Variants in TMCO4 observed in about 807,000 individuals in gnomAD.
The protein encoded by TMCO4 is transmembrane and coiled-coil domain-containing protein 4.
A neutral mutation model predicts 64.7 loss-of-function variants in TMCO4; 58 were observed. That is an observed-to-expected ratio of 0.90 (90% confidence interval 0.73 to 1.12). TMCO4 has a LOEUF of 1.12. TMCO4 is among the 50% of genes most tolerant of loss of function. TMCO4 has a pLI of 0.00. For synonymous variants in TMCO4, 325 were observed against 346.1 expected, an observed-to-expected ratio of 0.94 and a Z score of 0.68; for missense variants, 780 against 825.9, an observed-to-expected ratio of 0.94 and a Z score of 0.68.
At chr1:19,745,492 C>T (rs2041730032) in intron 10 of TMCO4, 40 bp downstream of exon 10, 1 of 1,613,480 alleles carries the variant, frequency 6.2e-7, no homozygotes, top group South Asian at 1.1e-5. Context: ...CAGGCCACCA[C>T]TGCCCACCCC....
chr1:19,771,212 T>C (rs906940766), intron 5 of TMCO4, 96 bp downstream of exon 5: 8 of 1,340,552 alleles, frequency 6.0e-6, no homozygotes, highest in Non-Finnish European at 8.2e-6. Flanking sequence ...ATCTTCCAAC[T>C]GCTCCACCCC....
At chr1:19,733,565 A>G (rs528518270) in intron 13 of TMCO4, among the ~76,000 whole-genome samples, 117 of 152,344 alleles carry the variant, frequency 7.7e-4, no homozygotes, top group Middle Eastern at 3.4e-3. Context: ...GCTGGGCTGC[A>G]CACCAGAATT....
At chr1:19,779,106 G>T (rs907203658) in intron 4 of TMCO4, among the ~76,000 whole-genome samples, 6 of 152,192 alleles carry the variant, frequency 3.9e-5, no homozygotes, top group Admixed American at 1.3e-4. Context: ...CATGAAGGAA[G>T]TTTACTCATG....
intron 13 of TMCO4, among the ~76,000 whole-genome samples, chr1:19,703,651 G>A (rs1296136409): frequency 4.0e-5 from 6 of 150,626 alleles, no homozygotes; most frequent in African/African-American, 1.5e-4. Context: ...AGGTTCAAGC[G>A]ATCCTCCTGC....
At chr1:19,776,308 A>G (rs2043201007) in intron 4 of TMCO4, among the ~76,000 whole-genome samples, 1 of 152,068 alleles carries the variant, frequency 6.6e-6, no homozygotes, top group Admixed American at 6.6e-5. Flanking sequence ...AGAAGGAAAC[A>G]CTCCACGGCA....
intron 8 of TMCO4, among the ~76,000 whole-genome samples, chr1:19,746,893 C>T (rs2041814275): frequency 1.4e-5 from 2 of 140,052 alleles, no homozygotes; most frequent in Admixed American, 1.5e-4. Context: ...CACTGCACTC[C>T]AGCCTGGGCG....
intron 2 of TMCO4, among the ~76,000 whole-genome samples, chr1:19,795,989 C>G (rs890052945): frequency 2.5e-4 from 38 of 152,248 alleles, no homozygotes; most frequent in African/African-American, 9.2e-4. Flanking sequence ...CCAGCCCACG[C>G]TGGGATACCA....
intron 6 of TMCO4, among the ~76,000 whole-genome samples, chr1:19,757,154 G>T (rs76786722): frequency 8.0e-6 from 1 of 125,066 alleles, no homozygotes; most frequent in Admixed American, 8.0e-5. Flanking sequence ...AGCCAGGCGT[G>T]GTGGCGGGGG....
chr1:19,778,774 T>G (rs998063604), intron 4 of TMCO4, among the ~76,000 whole-genome samples: 2 of 152,150 alleles, frequency 1.3e-5, no homozygotes, highest in African/African-American at 4.8e-5. Flanking sequence ...TTAACCTACC[T>G]CTTCTTTTCA....
chr1:19,765,120 C>A (rs950760052), intron 6 of TMCO4, among the ~76,000 whole-genome samples: 1 of 152,128 alleles, frequency 6.6e-6, no homozygotes, highest in African/African-American at 2.4e-5. Flanking sequence ...AAAATCATGA[C>A]GCAGTTTAAG....
intron 2 of TMCO4, among the ~76,000 whole-genome samples, chr1:19,797,830 C>T (rs2044385015): frequency 7.2e-6 from 1 of 138,348 alleles, no homozygotes; most frequent in South Asian, 2.5e-4. Context: ...CATCACTGCA[C>T]TCCAGCCTGG....
chr1:19,724,159 T>C (rs146105168), intron 13 of TMCO4, among the ~76,000 whole-genome samples: 6 of 152,314 alleles, frequency 3.9e-5, no homozygotes, highest in African/African-American at 1.4e-4. Context: ...GAGCTGCCAG[T>C]TGGGCTAAAG....
At chr1:19,778,360 G>A (rs1004217428) in intron 4 of TMCO4, among the ~76,000 whole-genome samples, 3 of 152,034 alleles carry the variant, frequency 2.0e-5, no homozygotes, top group Non-Finnish European at 2.9e-5. Flanking sequence ...TGCAACCTCT[G>A]CCTCCCGGGT....
chr1:19,716,180 A>ATTATTATTG, intron 13 of TMCO4, among the ~76,000 whole-genome samples: 1 of 147,880 alleles, frequency 6.8e-6, no homozygotes, highest in African/African-American at 2.5e-5. Flanking sequence ...TATTATTATT[A>ATTATTATTG]TTATTAATTT....
chr1:19,733,980 A>C (rs1027888301), intron 13 of TMCO4, among the ~76,000 whole-genome samples: 1 of 152,224 alleles, frequency 6.6e-6, no homozygotes, highest in Non-Finnish European at 1.5e-5. Context: ...GAAATAATAC[A>C]TATGATGAGC....
At chr1:19,727,675 G>A (rs2095414297) in intron 13 of TMCO4, among the ~76,000 whole-genome samples, 2 of 152,150 alleles carry the variant, frequency 1.3e-5, no homozygotes, top group African/African-American at 4.8e-5. Context: ...GCTAAAAATA[G>A]AACTACCATT....
chr1:19,796,070 AC>A (rs766583718), intron 2 of TMCO4, among the ~76,000 whole-genome samples: 2 of 152,142 alleles, frequency 1.3e-5, no homozygotes, highest in African/African-American at 2.4e-5. Flanking sequence ...TTCCAAAAGC[AC>A]AGTTAAATAA....
chr1:19,797,120 TC>T (rs1250447909), intron 2 of TMCO4, among the ~76,000 whole-genome samples: 1 of 152,076 alleles, frequency 6.6e-6, no homozygotes, highest in Non-Finnish European at 1.5e-5. Context: ...TAAAGTGAGG[TC>T]CCCAATATGC....
chr1:19,734,406 G>A lies in TMCO4; in HGVS notation c.1264+2966C>T, dbSNP rs762432096. Among the ~76,000 whole-genome samples, 170 of 152,252 alleles carry A rather than the reference G, an allele frequency of 1.1e-3. 2 individuals are homozygous for A. Among genetic ancestry groups the A allele is most frequent in the Non-Finnish European group, 2.2e-3 (152 of 68,002 alleles). Reference sequence around the variant, plus strand: ...TGTGTGTGTGAGTGTGCATATGTGCGCATGTGTGTGAACTGTAGGGTGCCC... The same window carrying A: ...TGTGTGTGTGAGTGTGCATATGTGCACATGTGTGTGAACTGTAGGGTGCCC... On this transcript the variant is annotated intron_variant, in intron 13 of 15. Transcript: ENST00000294543. This position sits in a 1 kb window ranked among gnomAD's most constrained non-coding sequence, Gnocchi z 4.4.
Sources: gnomAD v4.1 joint callset for allele counts (sites outside exome capture counted in the v4.1 genomes callset) on GRCh38, gnomAD v4.1.1 for gene constraint, Gnocchi (gnomAD v3.1) non-coding constraint, MANE v1.5 for transcripts, NCBI Gene and HGNC (gene_info 2026-07-23, HGNC 2026-07-21) for gene names.